The following SOBP variants were observed in gnomAD, a reference collection of about 807,000 sequenced individuals.
SOBP encodes sine oculis-binding protein homolog.
In SOBP, 4 loss-of-function variants were observed where a neutral mutation model predicts 53.6. The ratio of observed to expected loss-of-function variants is 0.07; its 90% CI spans 0.04 to 0.17. SOBP has a LOEUF of 0.17. Among genes scored for constraint, SOBP ranks in the 10% least tolerant of loss-of-function variants. The pLI, the probability that SOBP is intolerant of heterozygous loss-of-function variation, is 1.00. For synonymous variants in SOBP, 584 were observed against 522.6 expected (o/e 1.12, Z -1.60); for missense variants, 1,088 against 1,204.7 (o/e 0.90, Z 1.43).
At position 107,635,424 on chromosome 6, in the gene SOBP, G is replaced by T; in HGVS notation, c.2580G>T (p.Pro860=). 1 of 1,613,548 alleles carries T rather than the reference G, an allele frequency of 6.2e-7. No homozygotes were observed. The highest frequency in any genetic ancestry group is 8.5e-7 in the Non-Finnish European group (1 of 1,180,016). ...CCGGGCCTGAGGACCTGGAGCCGCC[G>T]CTCAAAAGGAGGTGCCTCCGAATTA... is the stretch of plus-strand genomic sequence containing the variant. ...LSAGPEDLEP[P]LKRRCLRIRN... Residue 860 remains proline (P), a synonymous_variant, in exon 6 of 7, where the codon CCG becomes CCT. Coordinates refer to ENST00000317357, the MANE Select transcript of SOBP (RefSeq NM_018013.4). The surrounding 1 kb of genome is among the most constrained non-coding windows in gnomAD (Gnocchi z 4.5).
At chr6:107,539,315 G>A (rs547842294) in intron 4 of SOBP, among the ~76,000 whole-genome samples, 5 of 152,204 alleles carry the variant, frequency 3.3e-5, no homozygotes, top group African/African-American at 1.2e-4. Context: ...ATGAAAACTC[G>A]AAATAGCTTC....
At chr6:107,654,228 A>G (rs909896917) in intron 6 of SOBP, among the ~76,000 whole-genome samples, 1 of 152,214 alleles carries the variant, frequency 6.6e-6, no homozygotes, top group African/African-American at 2.4e-5. Context: ...TGTGTATGGT[A>G]CATACATAGT....
chr6:107,501,669 G>A (rs1782846491), intron 1 of SOBP, among the ~76,000 whole-genome samples: 2 of 152,078 alleles, frequency 1.3e-5, no homozygotes, highest in South Asian at 2.1e-4. Flanking sequence ...ACCTCTATTT[G>A]TGTGCCTAGG....
chr6:107,542,926 A>G (rs1262946498), intron 4 of SOBP, among the ~76,000 whole-genome samples: 1 of 152,110 alleles, frequency 6.6e-6, no homozygotes, highest in Non-Finnish European at 1.5e-5. Context: ...TACAGAATCT[A>G]ACTCTTGCTC....
At position 107,656,078 on chromosome 6, in the gene SOBP, G is replaced by T. The variant is rs535212159; in HGVS notation, c.*4-2129G>T. Among the ~76,000 whole-genome samples the T allele has an allele frequency of 4.6e-5, 7 of 152,202 alleles. No individual in the cohort carries two copies. The South Asian group carries it at 1.5e-3, about 32-fold the overall frequency. On this transcript the variant is annotated intron_variant, in intron 6 of 6. Transcript: ENST00000317357. ...TCTTGGTTCCAGGCCCAGAGGTGGG[G>T]ATGGCTTCCCTCCCTCCATAGCAAC...
At chr6:107,539,595 A>G (rs1247648866) in intron 4 of SOBP, among the ~76,000 whole-genome samples, 3 of 152,222 alleles carry the variant, frequency 2.0e-5, no homozygotes, top group African/African-American at 7.2e-5. Context: ...CCACAGTGTC[A>G]GATTGCATCA....
At chr6:107,636,623 A>T (rs1024091110) in intron 6 of SOBP, among the ~76,000 whole-genome samples, 6 of 152,232 alleles carry the variant, frequency 3.9e-5, no homozygotes, top group Admixed American at 3.9e-4. Context: ...GGAGAGGAAG[A>T]GGAGAGATGA....
chr6:107,608,781 A>C (rs536610925), intron 5 of SOBP, among the ~76,000 whole-genome samples: 24 of 152,378 alleles, frequency 1.6e-4, no homozygotes, highest in African/African-American at 5.8e-4. Flanking sequence ...TCAAGAGACA[A>C]CAGAAATTAT....
chr6:107,498,594 A>G (rs1464963683), intron 1 of SOBP, among the ~76,000 whole-genome samples: 2 of 152,228 alleles, frequency 1.3e-5, no homozygotes, highest in Non-Finnish European at 2.9e-5. Context: ...AAAGAAAAAA[A>G]AAATCATGTA....
intron 5 of SOBP, among the ~76,000 whole-genome samples, chr6:107,627,587 A>AT (rs2115130933): frequency 6.6e-6 from 1 of 151,878 alleles, no homozygotes; most frequent in Middle Eastern, 3.4e-3. Context: ...ATCTTATTTA[A>AT]GAGAGAGAGA....
chr6:107,634,982 G>A lies in SOBP; in HGVS notation c.2138G>A (p.Gly713Asp). Residue 713 changes from glycine to aspartate, a missense_variant, in exon 6 of 7, where the codon GGC (glycine) becomes GAC (aspartate). Gly to Asp is a moderately conservative substitution (Grantham distance 94, BLOSUM62 -1). Around this residue, in one of 6 missense-constraint regions of SOBP, gnomAD observed 665 missense variants for 629.7 expected, o/e 1.06. Transcript: ENST00000317357. This position sits in a 1 kb window ranked among gnomAD's most constrained non-coding sequence, Gnocchi z 4.5. Reference sequence around the variant, plus strand: ...GACCCAGGCCCGGGCGCCCCGGCGGGCCCCGAGGCGGCCGCGGCCTGCAAC... The same window carrying A: ...GACCCAGGCCCGGGCGCCCCGGCGGACCCCGAGGCGGCCGCGGCCTGCAAC... ...AGDPGPGAPAGPEAAAACNVI... is the reference protein window; with the variant it reads ...AGDPGPGAPADPEAAAACNVI... 1.9e-6 allele frequency: 2 copies of A among 1,030,844 alleles called. No individual in the cohort carries two copies. Among genetic ancestry groups the A allele is most frequent in the African/African-American group, 1.7e-5 (1 of 57,586 alleles). 63.9% of individuals were successfully genotyped at this position (1,030,844 alleles called of 1,614,324 possible).
chr6:107,652,050 TTTTCATGCC>T (rs1465586103), intron 6 of SOBP, among the ~76,000 whole-genome samples: 1 of 152,222 alleles, frequency 6.6e-6, no homozygotes, highest in African/African-American at 2.4e-5. Context: ...AAATTAATTG[TTTTCATGCC>T]TGCTAACACA....
At chr6:107,644,846 A>G (rs1771488718) in intron 6 of SOBP, among the ~76,000 whole-genome samples, 1 of 152,242 alleles carries the variant, frequency 6.6e-6, no homozygotes, top group Non-Finnish European at 1.5e-5. Context: ...ATCCAAACCC[A>G]AATGTTGAAA....
chr6:107,574,306 T>C (rs570518153), intron 4 of SOBP, among the ~76,000 whole-genome samples: 10 of 152,304 alleles, frequency 6.6e-5, no homozygotes, highest in Non-Finnish European at 1.3e-4. Context: ...TGATCATTCT[T>C]ATTCCCCTTT....
intron 5 of SOBP, among the ~76,000 whole-genome samples, chr6:107,608,731 A>G (rs1382177284): frequency 5.9e-5 from 9 of 152,240 alleles, no homozygotes; most frequent in Admixed American, 5.9e-4. Flanking sequence ...AGATGAGTTA[A>G]GAGACAGATA....
chr6:107,577,796 G>A (rs1053113180), intron 4 of SOBP, among the ~76,000 whole-genome samples: 5 of 152,112 alleles, frequency 3.3e-5, no homozygotes, highest in Admixed American at 1.3e-4. Context: ...TGGTTTTGCC[G>A]GGCGTGGTTG....
chr6:107,532,241 T>TCTCTCA (rs373567492), intron 3 of SOBP, among the ~76,000 whole-genome samples: 10 of 139,648 alleles, frequency 7.2e-5, no homozygotes, highest in South Asian at 2.4e-4. Context: ...TCTCTCTCTC[T>TCTCTCA]CACACACACA....
At chr6:107,617,820 CTTTTTTT>C (rs71551315) in intron 5 of SOBP, among the ~76,000 whole-genome samples, 1 of 101,188 alleles carries the variant, frequency 9.9e-6, no homozygotes, top group Non-Finnish European at 1.9e-5. Context: ...TGTATGACTC[CTTTTTTT>C]TTTTTTTTTT....
intron 6 of SOBP, among the ~76,000 whole-genome samples, chr6:107,652,292 G>A (rs965567704): frequency 6.6e-6 from 1 of 152,230 alleles, no homozygotes; most frequent in African/African-American, 2.4e-5. Context: ...ATTAACAGGA[G>A]TTTGGAAGGA....
Sources: allele counts gnomAD v4.1 joint callset (sites outside exome capture counted in the v4.1 genomes callset), GRCh38; gene constraint gnomAD v4.1.1; regional missense constraint gnomAD v4.1.1; non-coding constraint Gnocchi (gnomAD v3.1); transcripts MANE v1.5; gene names NCBI Gene and HGNC (gene_info 2026-07-23, HGNC 2026-07-21).